Variants in GULP1 observed in about 807,000 individuals in gnomAD.
The protein encoded by GULP1 is PTB domain-containing engulfment adapter protein 1.
Under a neutral mutation model 40.9 loss-of-function variants are expected in GULP1, and 19 were observed. That is an observed-to-expected ratio of 0.46 (90% confidence interval 0.32 to 0.68). The LOEUF is 0.68. Among genes scored for constraint, GULP1 ranks in the 30% least tolerant of loss-of-function variants. The probability of loss-of-function intolerance (pLI) is 0.03; values close to 1 mark genes in which losing one functional copy is unlikely to be tolerated. For synonymous variants in GULP1, 119 were observed against 117.6 expected (o/e 1.01, Z -0.08); for missense variants, 312 against 362.2 (o/e 0.86, Z 1.12).
At chr2:188,504,783 A>G (rs1403284969) in intron 4 of GULP1, among the ~76,000 whole-genome samples, 1 of 151,862 alleles carries the variant, frequency 6.6e-6, no homozygotes, top group Non-Finnish European at 1.5e-5. Flanking sequence ...ATTTCAGCTA[A>G]TCAACAGTGA....
chr2:188,343,970 G>A (rs192079254), intron 1 of GULP1, among the ~76,000 whole-genome samples: 36 of 151,946 alleles, frequency 2.4e-4, no homozygotes, highest in African/African-American at 7.5e-4. Context: ...CCACCATGCC[G>A]GCTAATTTCT....
Position 188,595,853 on chromosome 2 carries a change from T to C in GULP1, c.*1842T>C, listed in dbSNP as rs538664927. The C allele has an allele frequency of 6.6e-6, 1 of 152,420 alleles. No homozygotes were observed. Among genetic ancestry groups the C allele is most frequent in the East Asian group, 1.9e-4 (1 of 5,184 alleles). The allele number at this position is 152,420 out of a possible 1,614,324, so 9.4% of individuals were successfully genotyped here. A position where few individuals can be genotyped will look rare whatever the true frequency, so the allele number is the denominator to read the frequency against. ...TCTCCAGTGCGTTTTTATGAAGATC[T>C]GGTTGAAAATTGTATTTCTATGTAA... On this transcript the variant is annotated 3_prime_UTR_variant, in exon 12 of 12. Coordinates refer to ENST00000409830, the MANE Select transcript of GULP1 (RefSeq NM_016315.4).
At chr2:188,557,845 C>T (rs911713154) in intron 7 of GULP1, among the ~76,000 whole-genome samples, 9 of 152,156 alleles carry the variant, frequency 5.9e-5, no homozygotes, top group Non-Finnish European at 1.0e-4. Flanking sequence ...TGACTTGCAC[C>T]CTCTGAAGCA....
chr2:188,512,740 C>A (rs1238483310), intron 4 of GULP1, among the ~76,000 whole-genome samples: 2 of 151,916 alleles, frequency 1.3e-5, no homozygotes, highest in South Asian at 4.1e-4. Flanking sequence ...TATTTGATAA[C>A]GAGGGTAGAA....
chr2:188,426,091 A>C (rs969667545), intron 2 of GULP1, among the ~76,000 whole-genome samples: 2 of 152,196 alleles, frequency 1.3e-5, no homozygotes, highest in Non-Finnish European at 2.9e-5. Flanking sequence ...AGGCAAATAC[A>C]TAAATCAATA....
At chr2:188,337,431 C>T (rs1395553412) in intron 1 of GULP1, among the ~76,000 whole-genome samples, 2 of 149,758 alleles carry the variant, frequency 1.3e-5, no homozygotes, top group African/African-American at 2.5e-5. Flanking sequence ...TGAGCCACCG[C>T]GCCCGGCCCT....
intron 7 of GULP1, among the ~76,000 whole-genome samples, chr2:188,549,900 A>G (rs557546136): frequency 6.6e-6 from 1 of 151,822 alleles, no homozygotes; most frequent in South Asian, 2.1e-4. Context: ...AAAATTAAGG[A>G]AATGGAGAAC....
intron 6 of GULP1, among the ~76,000 whole-genome samples, chr2:188,532,506 G>C (rs1687808314): frequency 6.6e-6 from 1 of 152,148 alleles, no homozygotes; most frequent in African/African-American, 2.4e-5. Context: ...ATGCAAATGT[G>C]GCATGATGTT....
intron 4 of GULP1, among the ~76,000 whole-genome samples, chr2:188,494,321 G>A (rs1198807727): frequency 6.6e-6 from 1 of 151,966 alleles, no homozygotes; most frequent in Non-Finnish European, 1.5e-5. Flanking sequence ...TCTCCACATA[G>A]CTACTACTGT....
In GULP1 at chr2:188,587,720, A is replaced by T. The variant is rs1383073228; in HGVS notation, c.749-135A>T. Reference sequence around the variant, plus strand: ...ACTGGTCTAAGGTCAGGAAAGCCCAACATACAGTGTAAGTGTGGGTTAGTG... The same window carrying T: ...ACTGGTCTAAGGTCAGGAAAGCCCATCATACAGTGTAAGTGTGGGTTAGTG... On this transcript the variant is annotated intron_variant, in intron 10 of 11. Coordinates refer to ENST00000409830, the MANE Select transcript of GULP1 (RefSeq NM_016315.4). 7 of 591,262 alleles carry T rather than the reference A, an allele frequency of 1.2e-5. No individual in the cohort carries two copies. In the East Asian group the frequency reaches 2.0e-4, roughly 17 times the overall value. 36.6% of individuals were successfully genotyped at this position (591,262 alleles called of 1,614,324 possible).
At chr2:188,481,332 T>G (rs932491319) in intron 3 of GULP1, among the ~76,000 whole-genome samples, 5 of 152,090 alleles carry the variant, frequency 3.3e-5, no homozygotes, top group Non-Finnish European at 7.4e-5. Context: ...ATAAAAAGTT[T>G]TATTTTGTCA....
rs150089886 is a variant in GULP1, at chr2:188,397,314, T to C, written c.-45+13425T>C. Among the ~76,000 whole-genome samples the C allele has an allele frequency of 2.2e-4, 33 of 152,286 alleles. No individual in the cohort carries two copies. In the East Asian group the frequency reaches 6.4e-3, roughly 29 times the overall value. On this transcript the variant is annotated intron_variant, in intron 2 of 11. Coordinates refer to ENST00000409830, the MANE Select transcript of GULP1 (RefSeq NM_016315.4). ...AGTTCAGAATCTACCTTCTCTAAAA[T>C]ATCATTCCTAACTTTTGGAATCTGG...
At chr2:188,388,827 G>A (rs2050138791) in intron 2 of GULP1, among the ~76,000 whole-genome samples, 1 of 152,182 alleles carries the variant, frequency 6.6e-6, no homozygotes, top group South Asian at 2.1e-4. Context: ...GAAAGCACAA[G>A]AGAATCATGT....
chr2:188,520,005 C>T (rs919918796), intron 4 of GULP1, among the ~76,000 whole-genome samples: 17 of 152,130 alleles, frequency 1.1e-4, no homozygotes, highest in Non-Finnish European at 1.6e-4. Context: ...AGTTTGAAAA[C>T]ACTCATCCCA....
At chr2:188,447,746 T>C (rs576647700) in intron 2 of GULP1, among the ~76,000 whole-genome samples, 1 of 152,320 alleles carries the variant, frequency 6.6e-6, no homozygotes, top group African/African-American at 2.4e-5. Flanking sequence ...AAATAGATAG[T>C]ATATCAACTC....
At chr2:188,566,819 AAGG>A (rs1697818948) in intron 7 of GULP1, among the ~76,000 whole-genome samples, 3 of 150,604 alleles carry the variant, frequency 2.0e-5, no homozygotes, top group Non-Finnish European at 4.4e-5. Flanking sequence ...AAAAAAAAAA[AAGG>A]GGAAGGATAC....
intron 4 of GULP1, among the ~76,000 whole-genome samples, chr2:188,506,777 A>C (rs1303726602): frequency 6.6e-6 from 1 of 152,056 alleles, no homozygotes; most frequent in Non-Finnish European, 1.5e-5. Flanking sequence ...GGACAATAAC[A>C]ATTTACAAAA....
intron 4 of GULP1, among the ~76,000 whole-genome samples, chr2:188,514,491 T>TA (rs1318846562): frequency 2.0e-5 from 3 of 151,390 alleles, no homozygotes; most frequent in Non-Finnish European, 4.4e-5. Flanking sequence ...ACACTTTAAG[T>TA]AAGAAAAAAA....
rs117705766 is a variant in GULP1 at position 188,543,678 on chromosome 2, A to T, written c.399+2360A>T. ...CTATTTTAAAAAACCAAGACCAGAG[A>T]TGTTGAAGTAAGTTTCCCAAAGTTA... On this transcript the variant is annotated intron_variant, in intron 7 of 11. Coordinates refer to ENST00000409830, the MANE Select transcript of GULP1 (RefSeq NM_016315.4). 4.0e-3 allele frequency among the ~76,000 whole-genome samples: 602 copies of T among 152,214 alleles called. 10 individuals are homozygous for T. Among genetic ancestry groups the T allele is most frequent in the East Asian group, 0.037 (191 of 5,184 alleles).
Sources: gnomAD v4.1 joint callset for allele counts (sites outside exome capture counted in the v4.1 genomes callset) on GRCh38, gnomAD v4.1.1 for gene constraint, MANE v1.5 for transcripts, NCBI Gene and HGNC (gene_info 2026-07-23, HGNC 2026-07-21) for gene names.